Variants in F13A1 observed in about 807,000 individuals in gnomAD.
F13A1 encodes FSF, A subunit.
A neutral mutation model predicts 80.1 loss-of-function variants in F13A1; 47 were observed. That is an observed-to-expected ratio of 0.59 (90% CI 0.46 to 0.75). F13A1 has a LOEUF of 0.75. F13A1 is among the 30% of genes least tolerant of loss of function. F13A1 has a pLI of 0.00. For missense variants in F13A1, 817 were observed against 930.4 expected, an observed-to-expected ratio of 0.88 and a Z score of 1.59; for synonymous variants, 349 against 344.9, an observed-to-expected ratio of 1.01 and a Z score of -0.13.
At chr6:6,244,091 G>T (rs771701656) in intron 6 of F13A1, among the ~76,000 whole-genome samples, 1 of 152,160 alleles carries the variant, frequency 6.6e-6, no homozygotes, top group Non-Finnish European at 1.5e-5. Flanking sequence ...CACCTTCTTT[G>T]ATAGTCTGAC....
In F13A1 at chr6:6,148,419, C is replaced by T. The variant is rs187875277; in HGVS notation, c.2046-2647G>A. Among the ~76,000 whole-genome samples the T allele has an allele frequency of 3.3e-5, 5 of 152,264 alleles. No individual in the cohort carries two copies. In the East Asian group the frequency reaches 9.7e-4, roughly 29 times the overall value. On this transcript the variant is annotated intron_variant, in intron 14 of 14. Transcript: ENST00000264870. ...CTTTGGGTTCAATAACCCCTGCCTT[C>T]TAGACACCACATCTGGCAGGGTGTG...
Position 6,144,630 on chromosome 6 carries a change from T to A in F13A1, c.*989A>T, listed in dbSNP as rs1489169094. 6.6e-6 allele frequency: 1 copy of A among 152,072 alleles called. No individual in the cohort carries two copies. The highest frequency in any genetic ancestry group is 1.5e-5 in the Non-Finnish European group (1 of 68,046). The allele number at this position is 152,072 out of a possible 1,614,324, so 9.4% of individuals were successfully genotyped here. ...TGCCAAGCTGAGGTCTCAACATGGG[T>A]GATGTGAAGGACAAGAGAGAATCAG... On this transcript the variant is annotated 3_prime_UTR_variant, in exon 15 of 15. Coordinates refer to ENST00000264870, the MANE Select transcript of F13A1 (RefSeq NM_000129.4).
intron 4 of F13A1, among the ~76,000 whole-genome samples, chr6:6,257,658 C>G (rs1757720566): frequency 6.6e-6 from 1 of 152,236 alleles, no homozygotes; most frequent in African/African-American, 2.4e-5. Flanking sequence ...CATCAATTCA[C>G]AGATATTGAT....
intron 3 of F13A1, among the ~76,000 whole-genome samples, chr6:6,271,505 G>A (rs1307604992): frequency 6.6e-6 from 1 of 152,102 alleles, no homozygotes; most frequent in Non-Finnish European, 1.5e-5. Flanking sequence ...ATAATGCCTG[G>A]ATAGATGTGT....
intron 1 of F13A1, among the ~76,000 whole-genome samples, chr6:6,319,392 T>C (rs1451231791): frequency 6.6e-6 from 1 of 152,162 alleles, no homozygotes; most frequent in African/African-American, 2.4e-5. Context: ...AGGTTGGGCA[T>C]GCAATTTTCA....
At chr6:6,242,383 T>C (rs927399053) in intron 6 of F13A1, among the ~76,000 whole-genome samples, 1 of 152,178 alleles carries the variant, frequency 6.6e-6, no homozygotes, top group Admixed American at 6.6e-5. Context: ...AAAGTATTAA[T>C]GGGGATTAAT....
chr6:6,178,831 C>G (rs1006364694), intron 11 of F13A1, among the ~76,000 whole-genome samples: 1 of 152,128 alleles, frequency 6.6e-6, no homozygotes, highest in Non-Finnish European at 1.5e-5. Flanking sequence ...AGGGAGTGAA[C>G]AACAGCACCA....
In F13A1 at chr6:6,261,611, G is replaced by A. The variant is rs142543409; in HGVS notation, c.571+4947C>T. ...CAGGTGATTCTGATGTGTTCCAAGC[G>A]TGGTGACCCTCCAGGTGATTCTGAT... On this transcript the variant is annotated intron_variant, in intron 4 of 14. Transcript: ENST00000264870. 1.1e-4 allele frequency among the ~76,000 whole-genome samples: 9 copies of A among 81,118 alleles called. 4 individuals are homozygous for A. Among genetic ancestry groups the A allele is most frequent in the African/African-American group, 3.3e-4 (9 of 27,364 alleles). The allele number at this position is 81,118 out of a possible 152,430, so 53.2% of individuals were successfully genotyped here. A position where few individuals can be genotyped will look rare whatever the true frequency, so the allele number is the denominator to read the frequency against.
intron 14 of F13A1, among the ~76,000 whole-genome samples, chr6:6,147,739 C>T (rs768301927): frequency 2.0e-5 from 3 of 152,162 alleles, no homozygotes; most frequent in African/African-American, 4.8e-5. Flanking sequence ...ATAAAACCAT[C>T]CGGCATAATG....
intron 12 of F13A1, among the ~76,000 whole-genome samples, chr6:6,172,626 T>C (rs2151074327): frequency 6.6e-6 from 1 of 152,078 alleles, no homozygotes; most frequent in African/African-American, 2.4e-5. Context: ...TTTGTATTTT[T>C]AGTAGAGATG....
chr6:6,299,618 C>T (rs964994454), intron 3 of F13A1, among the ~76,000 whole-genome samples: 4 of 139,958 alleles, frequency 2.9e-5, no homozygotes, highest in African/African-American at 3.1e-5. Context: ...TTAAGCACTT[C>T]TCTGTATTGG....
intron 8 of F13A1, among the ~76,000 whole-genome samples, chr6:6,216,915 A>C (rs1031731385): frequency 9.9e-5 from 15 of 150,870 alleles, no homozygotes; most frequent in African/African-American, 3.7e-4. Context: ...CAGCCAAAAA[A>C]CACATGAAAA....
intron 6 of F13A1, among the ~76,000 whole-genome samples, chr6:6,239,363 T>C (rs753570216): frequency 1.3e-5 from 2 of 152,110 alleles, no homozygotes; most frequent in Non-Finnish European, 2.9e-5. Context: ...TCTGAGCTTG[T>C]GGAAATGTCT....
At chr6:6,264,880 G>C (rs1028868073) in intron 4 of F13A1, among the ~76,000 whole-genome samples, 2 of 152,136 alleles carry the variant, frequency 1.3e-5, no homozygotes, top group Non-Finnish European at 2.9e-5. Flanking sequence ...TCATAGATAG[G>C]AGTGTTGGGT....
intron 4 of F13A1, among the ~76,000 whole-genome samples, chr6:6,265,043 T>C (rs1757825491): frequency 6.6e-6 from 1 of 152,190 alleles, no homozygotes; most frequent in African/African-American, 2.4e-5. Context: ...GGAGCACTGC[T>C]TGAGCCCAAG....
At position 6,178,128 on chromosome 6, in the gene F13A1, G is replaced by T. The variant is rs146544080; in HGVS notation, c.1460-3261C>A. Among the ~76,000 whole-genome samples the T allele has an allele frequency of 4.2e-3, 637 of 152,142 alleles. 2 individuals are homozygous for T. Among genetic ancestry groups the T allele is most frequent in the South Asian group, 0.013 (62 of 4,814 alleles). ...ATATTACTTTGGCAGCAAGGCAGGG[G>T]CTAGACTGAGGGAAGGAGGGCCTGA... On this transcript the variant is annotated intron_variant, in intron 11 of 14. Coordinates refer to ENST00000264870, the MANE Select transcript of F13A1 (RefSeq NM_000129.4).
intron 11 of F13A1, among the ~76,000 whole-genome samples, chr6:6,178,208 A>T (rs66906244): frequency 0.098 from 14,846 of 152,218 alleles, 1,006 homozygotes; most frequent in Non-Finnish European, 0.14. Flanking sequence ...GAGAAAACTA[A>T]TCATAGCCCA....
At chr6:6,233,621 A>T (rs191994510) in intron 6 of F13A1, among the ~76,000 whole-genome samples, 1 of 152,010 alleles carries the variant, frequency 6.6e-6, no homozygotes, top group African/African-American at 2.4e-5. Context: ...ACCCTAATAC[A>T]AAAACCAGGA....
chr6:6,286,252 G>A (rs556332306), intron 3 of F13A1, among the ~76,000 whole-genome samples: 1 of 152,314 alleles, frequency 6.6e-6, no homozygotes, highest in African/African-American at 2.4e-5. Flanking sequence ...CGTGTGTTGT[G>A]GCAAGTGCCT....
Sources: allele counts gnomAD v4.1 joint callset (sites outside exome capture counted in the v4.1 genomes callset), GRCh38; gene constraint gnomAD v4.1.1; transcripts MANE v1.5; gene names NCBI Gene and HGNC (gene_info 2026-07-23, HGNC 2026-07-21).